CHD6: variants seen among roughly 807,000 people sequenced by gnomAD.
The protein encoded by CHD6 is ATP-dependent chromatin remodeler CHD6.
In CHD6, 50 loss-of-function variants were observed where a neutral mutation model predicts 276.9. That is an observed-to-expected ratio of 0.18 (90% CI 0.14 to 0.23). The LOEUF (loss-of-function observed/expected upper bound fraction) is 0.23, where lower values mean the gene tolerates loss of function less well. Ranked by LOEUF, CHD6 falls within the 10% of genes least tolerant of loss-of-function variation. The pLI, the probability that CHD6 is intolerant of heterozygous loss-of-function variation, is 1.00. For synonymous variants in CHD6, 1,173 were observed against 1,229.3 expected (o/e 0.95, Z 0.96); for missense variants, 2,564 against 3,365.8 (o/e 0.76, Z 5.89).
intron 1 of CHD6, among the ~76,000 whole-genome samples, chr20:41,571,605 G>A (rs1207679718): frequency 6.6e-6 from 1 of 151,422 alleles, no homozygotes; most frequent in Non-Finnish European, 1.5e-5. Flanking sequence ...GGCCAGGCTG[G>A]TCTCAAACTC....
rs1477591425 is a variant in CHD6, at chr20:41,403,661, TA to T, written c.*931del. 1 of 1,060,542 alleles carries T rather than the reference TA, an allele frequency of 9.4e-7. No homozygotes were observed. The highest frequency in any genetic ancestry group is 1.1e-6 in the Non-Finnish European group (1 of 876,426). 65.7% of individuals were successfully genotyped at this position (1,060,542 alleles called of 1,614,324 possible). A position where few individuals can be genotyped will look rare whatever the true frequency, so the allele number is the denominator to read the frequency against. ...TTCTTGCAGGCTCCAGAAAGAACCT[TA>T]TTCTTGGTGAAGGAAAGCCTGAAGT... On this transcript the variant is annotated 3_prime_UTR_variant, in exon 37 of 37. Coordinates refer to ENST00000373233, the MANE Select transcript of CHD6 (RefSeq NM_032221.5).
At chr20:41,548,261 T>C (rs936869199) in intron 2 of CHD6, among the ~76,000 whole-genome samples, 12 of 152,194 alleles carry the variant, frequency 7.9e-5, no homozygotes, top group Admixed American at 7.9e-4. Flanking sequence ...CTCTATCCTA[T>C]CTAATATTAA....
intron 2 of CHD6, among the ~76,000 whole-genome samples, chr20:41,537,261 G>A (rs1256976353): frequency 4.0e-5 from 6 of 150,244 alleles, no homozygotes; most frequent in East Asian, 1.9e-4. Context: ...CATCTATGGA[G>A]TCAACCGAGG....
chr20:41,407,073 A>G (rs1341379868), intron 36 of CHD6, among the ~76,000 whole-genome samples: 1 of 152,252 alleles, frequency 6.6e-6, no homozygotes, highest in Non-Finnish European at 1.5e-5. Context: ...AATGGTCACC[A>G]TCAAGGCCGG....
In CHD6 at chr20:41,412,318, A is replaced by G. The variant is rs910484959; in HGVS notation, c.7132-55T>C. ...AAACATGCTATCCCAGATTCTTCTG[A>G]TGAGGCTGATGCTTTTCAACTGGTT... On this transcript the variant is annotated intron_variant, in intron 35 of 36. Coordinates refer to ENST00000373233, the MANE Select transcript of CHD6 (RefSeq NM_032221.5). 16 of 1,590,136 alleles carry G rather than the reference A, an allele frequency of 1.0e-5. No homozygotes were observed. The African/African-American group carries it at 2.2e-4, about 21-fold the overall frequency.
At chr20:41,457,454 T>G in intron 17 of CHD6, 26 bp from the exon 18 acceptor site, 1 of 1,599,000 alleles carries the variant, frequency 6.3e-7, no homozygotes, top group Non-Finnish European at 8.6e-7. Context: ...GTCATATGCA[T>G]CACGTCACCG....
intron 18 of CHD6, 152 bp from the exon 19 acceptor site, chr20:41,456,131 C>G: frequency 1.5e-6 from 1 of 665,890 alleles, no homozygotes; most frequent in South Asian, 3.2e-5. Context: ...TAGTGAAATC[C>G]CAGATGCGAT....
intron 30 of CHD6, among the ~76,000 whole-genome samples, chr20:41,422,612 T>C (rs2047231447): frequency 1.3e-5 from 2 of 152,230 alleles, no homozygotes; most frequent in African/African-American, 4.8e-5. Flanking sequence ...GTCACTGTAC[T>C]CTACACTAGG....
At chr20:41,454,458 TAA>T (rs2048327256) in intron 20 of CHD6, among the ~76,000 whole-genome samples, 166 bp downstream of exon 20, 1 of 152,220 alleles carries the variant, frequency 6.6e-6, no homozygotes, top group Non-Finnish European at 1.5e-5. Flanking sequence ...TGACAACAGT[TAA>T]GATTTATTGA....
At position 41,423,558 on chromosome 20, in the gene CHD6, G is replaced by C; in HGVS notation, c.4489C>G (p.Gln1497Glu). The change falls in exon 30 of 37, where the codon CAG becomes GAG. Residue 1497 changes from glutamine to glutamate, a missense_variant. By Grantham distance (29) the Gln-to-Glu change is conservative (BLOSUM62 2). Transcript: ENST00000373233. Reference sequence around the variant, plus strand: ...ATGGCCACAAAACTATAAAAATACTGTTCCAGGCTCTCATCCGACTTCTTG... The same window carrying C: ...ATGGCCACAAAACTATAAAAATACTCTTCCAGGCTCTCATCCGACTTCTTG... ...LDKKSDESLEQYFYSFVAMCR... is the reference protein window; with the variant it reads ...LDKKSDESLEEYFYSFVAMCR... 3.1e-6 allele frequency: 5 copies of C among 1,614,198 alleles called. No homozygotes were observed. The South Asian group carries it at 5.5e-5, about 18-fold the overall frequency.
intron 36 of CHD6, among the ~76,000 whole-genome samples, chr20:41,407,114 G>A (rs997723087): frequency 1.3e-5 from 2 of 152,230 alleles, no homozygotes; most frequent in African/African-American, 4.8e-5. Flanking sequence ...GCATGAGACA[G>A]GAGAGCTCAA....
At chr20:41,407,983 G>A (rs1056397924) in intron 36 of CHD6, among the ~76,000 whole-genome samples, 3 of 151,878 alleles carry the variant, frequency 2.0e-5, no homozygotes, top group East Asian at 1.9e-4. Context: ...GTGTGAAAAC[G>A]TGCATATCTG....
intron 16 of CHD6, among the ~76,000 whole-genome samples, chr20:41,476,317 CTATCAAG>C (rs1195600558): frequency 6.6e-6 from 1 of 151,960 alleles, no homozygotes; most frequent in African/African-American, 2.4e-5. Flanking sequence ...CTATCAAATA[CTATCAAG>C]TATCAACAAG....
chr20:41,433,779 T>A (rs1028832723), intron 27 of CHD6, among the ~76,000 whole-genome samples: 2 of 152,098 alleles, frequency 1.3e-5, no homozygotes, highest in Admixed American at 6.5e-5. Flanking sequence ...CATTACCTGA[T>A]AAGAAATGGT....
intron 16 of CHD6, among the ~76,000 whole-genome samples, chr20:41,475,700 T>G (rs959563963): frequency 4.0e-4 from 61 of 151,996 alleles, no homozygotes; most frequent in African/African-American, 1.4e-3. Context: ...CACATATGAA[T>G]GATTAATGCT....
chr20:41,569,755 T>A (rs978043417), intron 1 of CHD6, among the ~76,000 whole-genome samples: 2 of 152,226 alleles, frequency 1.3e-5, no homozygotes, highest in African/African-American at 4.8e-5. Context: ...TACAACTTTT[T>A]AAAATACAGT....
intron 1 of CHD6, among the ~76,000 whole-genome samples, chr20:41,583,598 G>A (rs980460887): frequency 1.3e-5 from 2 of 152,122 alleles, no homozygotes; most frequent in African/African-American, 2.4e-5. Flanking sequence ...GATACCTCCA[G>A]AAATGGCAAA....
chr20:41,599,599 A>T (rs1457779957), intron 1 of CHD6, among the ~76,000 whole-genome samples: 1 of 152,134 alleles, frequency 6.6e-6, no homozygotes, highest in East Asian at 1.9e-4. Flanking sequence ...CTCCCAGACA[A>T]CCAAGAGGAG....
Position 41,415,550 on chromosome 20 carries a change from C to CGAG in CHD6, c.6572_6574dup (p.Ala2191_Arg2192insPro), listed in dbSNP as rs765165627. 1 of 1,614,070 alleles carries CGAG rather than the reference C, an allele frequency of 6.2e-7. No individual in the cohort carries two copies. Among genetic ancestry groups the CGAG allele is most frequent in the South Asian group, 1.1e-5 (1 of 91,070 alleles). On this transcript the variant is annotated inframe_insertion, in exon 34 of 37. Coordinates refer to ENST00000373233, the MANE Select transcript of CHD6 (RefSeq NM_032221.5). ...GGTGGCAGAGAACTGCTCCAGGCCC[C>CGAG]GAGCCTTTGCATCCCTCTCCACCTC... is the stretch of plus-strand genomic sequence containing the variant.
Sources: allele counts gnomAD v4.1 joint callset (sites outside exome capture counted in the v4.1 genomes callset), GRCh38; gene constraint gnomAD v4.1.1; transcripts MANE v1.5; gene names NCBI Gene and HGNC (gene_info 2026-07-23, HGNC 2026-07-21).